The following RAPGEF2 variants were observed in gnomAD, a reference collection of about 807,000 sequenced individuals.
RAPGEF2 encodes the protein Rap guanine nucleotide exchange factor 2, also known as PDZ domain containing guanine nucleotide exchange factor (GEF) 1.
Under a neutral mutation model 186.7 loss-of-function variants are expected in RAPGEF2, and 54 were observed. The observed-to-expected ratio is 0.29, with a 90% confidence interval of 0.23 to 0.36. The LOEUF is 0.36. Among genes scored for constraint, RAPGEF2 ranks in the 10% least tolerant of loss-of-function variants. The pLI is 1.00. For synonymous variants in RAPGEF2, 712 were observed against 705.9 expected (o/e 1.01, Z -0.14); for missense variants, 1,532 against 2,045.0 (o/e 0.75, Z 4.84).
intron 4 of RAPGEF2, among the ~76,000 whole-genome samples, chr4:159,211,746 GT>G (rs1327955344): frequency 6.6e-6 from 1 of 152,180 alleles, no homozygotes; most frequent in African/African-American, 2.4e-5. Flanking sequence ...ATAATCTTGG[GT>G]GCGATTCTCA....
chr4:159,188,663 CAAAAAA>C (rs58081505), intron 2 of RAPGEF2, among the ~76,000 whole-genome samples: 1 of 84,862 alleles, frequency 1.2e-5, no homozygotes, highest in Non-Finnish European at 2.3e-5. Context: ...GACTACATCT[CAAAAAA>C]AAAAAAAAAG....
intron 17 of RAPGEF2, among the ~76,000 whole-genome samples, chr4:159,337,985 T>C (rs1388273353): frequency 1.3e-5 from 2 of 151,392 alleles, no homozygotes; most frequent in Non-Finnish European, 2.9e-5. Context: ...CTGGGTGCTG[T>C]GACTCATGCC....
rs569716342 is a variant in RAPGEF2 at position 159,356,914 on chromosome 4, G to T, written c.4957+756G>T. ...AGACTCTGTCTCAAAAAAAGGAAAA[G>T]AAAATGAAAATTTCACAAGTTTGTG... On this transcript the variant is annotated intron_variant, in intron 29 of 29. Transcript: ENST00000691494. Among the ~76,000 whole-genome samples, 7 of 152,242 alleles carry T rather than the reference G, an allele frequency of 4.6e-5. No homozygotes were observed. The South Asian group carries it at 1.5e-3, about 32-fold the overall frequency.
At position 159,358,666 on chromosome 4, in the gene RAPGEF2, TCC is replaced by T. The variant is rs1732382543; in HGVS notation, c.*528_*529del. The T allele has an allele frequency of 2.5e-5, 1 of 40,060 alleles. No homozygotes were observed. The highest frequency in any genetic ancestry group is 4.5e-4 in the Admixed American group (1 of 2,216). 2.5% of individuals were successfully genotyped at this position (40,060 alleles called of 1,614,324 possible). ...GCTTGTCCACTTGTTTACAATGTCC[TCC>T]TTTTAAAAAAAAAAAATGAGTTTAA... On this transcript the variant is annotated 3_prime_UTR_variant, in exon 30 of 30. Coordinates refer to ENST00000691494, the MANE Select transcript of RAPGEF2 (RefSeq NM_001394067.2).
chr4:159,217,785 G>C (rs1023940824), intron 4 of RAPGEF2, among the ~76,000 whole-genome samples: 3 of 152,184 alleles, frequency 2.0e-5, no homozygotes, highest in African/African-American at 7.2e-5. Flanking sequence ...TAGTGTATAA[G>C]CGTTTGCTTT....
intron 4 of RAPGEF2, among the ~76,000 whole-genome samples, chr4:159,237,840 A>AT (rs1252599586): frequency 8.9e-6 from 1 of 112,810 alleles, no homozygotes; most frequent in African/African-American, 3.7e-5. Context: ...CTCTACAAAA[A>AT]TTAAAAAAAA....
intron 26 of RAPGEF2, among the ~76,000 whole-genome samples, chr4:159,350,764 G>A (rs907703939): frequency 6.6e-6 from 1 of 152,148 alleles, no homozygotes; most frequent in Non-Finnish European, 1.5e-5. Flanking sequence ...GCCTCCTTAT[G>A]TTGATACATT....
chr4:159,180,056 G>A (rs1343939816), intron 1 of RAPGEF2, among the ~76,000 whole-genome samples: 12 of 152,160 alleles, frequency 7.9e-5, no homozygotes. Flanking sequence ...AAATTGATAG[G>A]AAGATTAGAA....
At chr4:159,226,952 G>A (rs1752104831) in intron 4 of RAPGEF2, among the ~76,000 whole-genome samples, 1 of 152,134 alleles carries the variant, frequency 6.6e-6, no homozygotes, top group Admixed American at 6.5e-5. Context: ...ATGTGTACGA[G>A]TTTATGCTTT....
At chr4:159,162,103 T>A (rs749119276) in intron 1 of RAPGEF2, among the ~76,000 whole-genome samples, 2 of 151,644 alleles carry the variant, frequency 1.3e-5, no homozygotes, top group African/African-American at 2.4e-5. Context: ...CTGGAATCTT[T>A]GCTGGGTGTG....
intron 7 of RAPGEF2, among the ~76,000 whole-genome samples, chr4:159,273,832 G>A (rs535783664): frequency 3.3e-5 from 5 of 152,006 alleles, no homozygotes; most frequent in African/African-American, 7.3e-5. Flanking sequence ...TCGCTCTGTC[G>A]CCTGGGCTGG....
intron 1 of RAPGEF2, among the ~76,000 whole-genome samples, chr4:159,125,803 A>G (rs1006786645): frequency 6.6e-6 from 1 of 151,946 alleles, no homozygotes; most frequent in Non-Finnish European, 1.5e-5. Context: ...CTGTGCATCT[A>G]TGACAATTTT....
At chr4:159,350,072 T>A in intron 25 of RAPGEF2, 65 bp from the exon 26 acceptor site, 2 of 1,184,858 alleles carry the variant, frequency 1.7e-6, no homozygotes, top group Non-Finnish European at 2.3e-6. Context: ...AGTTTTTTAT[T>A]CATAAATGGT....
At chr4:159,308,547 C>T (rs933154972) in intron 8 of RAPGEF2, among the ~76,000 whole-genome samples, 7 of 152,118 alleles carry the variant, frequency 4.6e-5, no homozygotes, top group African/African-American at 1.7e-4. Flanking sequence ...AACTTTCTCC[C>T]CTAGAAGCCT....
chr4:159,194,808 A>G (rs1748463636), intron 3 of RAPGEF2, among the ~76,000 whole-genome samples: 2 of 152,170 alleles, frequency 1.3e-5, no homozygotes, highest in Admixed American at 1.3e-4. Flanking sequence ...AAATGATGTG[A>G]TCACATGTCT....
chr4:159,330,245 ATGTGTGTGTGTATATGTATATGTGTG>A (rs1234053853), intron 12 of RAPGEF2, 63 bp from the exon 13 acceptor site: 8 of 868,598 alleles, frequency 9.2e-6, no homozygotes, highest in Non-Finnish European at 1.2e-5. Flanking sequence ...AATGTCATAT[ATGTGTGTGTGTATATGTATATGTGTG>A]TGTGTGTGTG....
At chr4:159,347,900 G>GT (rs1730574673) in intron 25 of RAPGEF2, among the ~76,000 whole-genome samples, 1 of 152,046 alleles carries the variant, frequency 6.6e-6, no homozygotes, top group Non-Finnish European at 1.5e-5. Flanking sequence ...GAATGAAACA[G>GT]TTAATAAAAA....
At position 159,243,779 on chromosome 4, in the gene RAPGEF2, C is replaced by G; in HGVS notation, c.531C>G (p.Cys177Trp). 7.8e-7 allele frequency: 1 copy of G among 1,282,598 alleles called. No individual in the cohort carries two copies. The highest frequency in any genetic ancestry group is 1.0e-6 in the Non-Finnish European group (1 of 982,440). The allele number at this position is 1,282,598 out of a possible 1,614,324, so 79.5% of individuals were successfully genotyped here. A position where few individuals can be genotyped will look rare whatever the true frequency, so the allele number is the denominator to read the frequency against. The change falls in exon 7 of 30, where the codon TGC (cysteine) becomes TGG (tryptophan). Residue 177 changes from cysteine to tryptophan, a missense_variant. By Grantham distance (215) the Cys-to-Trp change is radical. Around this residue, in one of 4 missense-constraint regions of RAPGEF2, gnomAD observed 810 missense variants for 1,210.5 expected, o/e 0.67. Coordinates refer to ENST00000691494, the MANE Select transcript of RAPGEF2 (RefSeq NM_001394067.2). ...CATTTCATTTTGGCTCAAAGGAATG[C>G]ACTAAATCTCAGGTATTGTAATTTG... ...PPLPRGYHTE[C>W]TKSQLPADFT...
chr4:159,353,503 T>C lies in RAPGEF2; in HGVS notation c.4108T>C (p.Ser1370Pro). 1 of 1,490,126 alleles carries C rather than the reference T, an allele frequency of 6.7e-7. No homozygotes were observed. Among genetic ancestry groups the C allele is most frequent in the South Asian group, 1.5e-5 (1 of 67,540 alleles). The allele number at this position is 1,490,126 out of a possible 1,614,324, so 92.3% of individuals were successfully genotyped here. ...QYSLGSYAPM[S>P]EGRGLYATAT... is the part of the protein sequence containing the mutation. ...ACCACTTAGGTCCTATGCACCAATG[T>C]CCGAGGGCCGAGGCTTATATGCTAC... The change falls in exon 28 of 30, where the codon TCC becomes CCC. Residue 1370 changes from serine to proline, a missense_variant. Coordinates refer to ENST00000691494, the MANE Select transcript of RAPGEF2 (RefSeq NM_001394067.2). This position sits in a 1 kb window ranked among gnomAD's most constrained non-coding sequence, Gnocchi z 4.3.
Sources: allele counts gnomAD v4.1 joint callset (sites outside exome capture counted in the v4.1 genomes callset), GRCh38; gene constraint gnomAD v4.1.1; regional missense constraint gnomAD v4.1.1; non-coding constraint Gnocchi (gnomAD v3.1); transcripts MANE v1.5; gene names NCBI Gene and HGNC (gene_info 2026-07-23, HGNC 2026-07-21).